The following KATNAL2 variants were observed in gnomAD, a reference collection of about 807,000 sequenced individuals.
The protein encoded by KATNAL2 is katanin p60 ATPase-containing subunit A-like 2.
A neutral mutation model predicts 76.3 loss-of-function variants in KATNAL2; 52 were observed. That is an observed-to-expected ratio of 0.68 (90% CI 0.55 to 0.86). KATNAL2 has a LOEUF of 0.86. Among genes scored for constraint, KATNAL2 ranks in the 40% least tolerant of loss-of-function variants. The pLI, the probability that KATNAL2 is intolerant of heterozygous loss-of-function variation, is 0.00. For synonymous variants in KATNAL2, 243 were observed against 244.2 expected (o/e 1.00, Z 0.05); for missense variants, 660 against 668.9 (o/e 0.99, Z 0.15).
At chr18:46,932,050 ACAGGTGCGTGCT>A (rs1349101198) in intron 1 of KATNAL2, among the ~76,000 whole-genome samples, 1 of 151,798 alleles carries the variant, frequency 6.6e-6, no homozygotes, top group Non-Finnish European at 1.5e-5. Flanking sequence ...AGCTGGGATT[ACAGGTGCGTGCT>A]ACCATGCCCG....
intron 1 of KATNAL2, among the ~76,000 whole-genome samples, chr18:46,935,558 G>A (rs574150157): frequency 2.0e-5 from 3 of 152,046 alleles, no homozygotes; most frequent in South Asian, 4.2e-4. Context: ...AGAGTAGCTC[G>A]TACTACAGGC....
At chr18:47,050,053 G>GT (rs1271730753) in intron 4 of KATNAL2, among the ~76,000 whole-genome samples, 2 of 151,980 alleles carry the variant, frequency 1.3e-5, no homozygotes, top group Non-Finnish European at 1.5e-5. Context: ...GTTTTGTTTT[G>GT]TTTTTTGGTA....
intron 3 of KATNAL2, among the ~76,000 whole-genome samples, chr18:46,948,892 G>T (rs2146682478): frequency 6.6e-6 from 1 of 150,992 alleles, no homozygotes; most frequent in Middle Eastern, 3.4e-3. Context: ...TCTGCATTGT[G>T]TGTGTGTGTG....
intron 1 of KATNAL2, among the ~76,000 whole-genome samples, chr18:46,932,167 T>C (rs1239643087): frequency 6.6e-6 from 1 of 152,118 alleles, no homozygotes; most frequent in African/African-American, 2.4e-5. Context: ...CGCCTTGGCC[T>C]CCCAAAGTGC....
intron 13 of KATNAL2, among the ~76,000 whole-genome samples, chr18:47,071,952 TC>T (rs1875136970): frequency 1.1e-5 from 1 of 88,432 alleles, no homozygotes; most frequent in Non-Finnish European, 2.4e-5. Context: ...CCCAATTTCT[TC>T]TTTTTTTTTT....
chr18:47,046,546 A>G lies in KATNAL2; in HGVS notation c.122+19A>G. On this transcript the variant is annotated intron_variant, in intron 4 of 17. Transcript: ENST00000683218. ...AAGAAGGGTATGTTACAGTACAAACATTTATAGAGATGATTCCTCTTTCTC... is the reference window on the plus strand; with the variant it reads ...AAGAAGGGTATGTTACAGTACAAACGTTTATAGAGATGATTCCTCTTTCTC... 2 of 1,446,940 alleles carry G rather than the reference A, an allele frequency of 1.4e-6. No homozygotes were observed. Among genetic ancestry groups the G allele is most frequent in the South Asian group, 1.2e-5 (1 of 82,128 alleles). The allele number at this position is 1,446,940 out of a possible 1,614,324, so 89.6% of individuals were successfully genotyped here.
chr18:47,093,526 G>C (rs1165204311), intron 15 of KATNAL2, among the ~76,000 whole-genome samples: 1 of 150,144 alleles, frequency 6.7e-6, no homozygotes, highest in Middle Eastern at 3.2e-3. Flanking sequence ...GTGCATGTTT[G>C]TGTGTCTTTT....
At position 47,100,961 on chromosome 18, in the gene KATNAL2, G is replaced by A. The variant is rs775781282; in HGVS notation, c.1573G>A (p.Ala525Thr). 1.9e-6 allele frequency: 3 copies of A among 1,614,032 alleles called. No individual in the cohort carries two copies. The highest frequency in any genetic ancestry group is 2.5e-6 in the Non-Finnish European group (3 of 1,179,998). ...THTKPSAKNL[A>T]QRYSDWQREF... ...CACCAAGCCCTCCGCAAAGAATCTG[G>A]CTCAGAGATACTCAGACTGGCAAAG... is the stretch of plus-strand genomic sequence containing the variant. Residue 525 changes from alanine to threonine, a missense_variant, in exon 18 of 18, where the codon GCT becomes ACT. Transcript: ENST00000683218.
At chr18:47,058,211 C>G in intron 6 of KATNAL2, 24 bp from the exon 7 acceptor site, 1 of 1,460,402 alleles carries the variant, frequency 6.8e-7, no homozygotes, top group Non-Finnish European at 9.6e-7. Context: ...TAATTTCTTC[C>G]AAGGTCTTTG....
chr18:47,079,539 C>G (rs1018100030), intron 15 of KATNAL2, among the ~76,000 whole-genome samples: 1 of 151,994 alleles, frequency 6.6e-6, no homozygotes, highest in South Asian at 2.1e-4. Context: ...GGACTACAGG[C>G]GCCTGCCACC....
At position 47,046,440 on chromosome 18, in the gene KATNAL2, A is replaced by C. The variant is rs2061159360; in HGVS notation, c.52-17A>C. 2 of 1,529,156 alleles carry C rather than the reference A, an allele frequency of 1.3e-6. No individual in the cohort carries two copies. The highest frequency in any genetic ancestry group is 8.8e-7 in the Non-Finnish European group (1 of 1,141,132). 94.7% of individuals were successfully genotyped at this position (1,529,156 alleles called of 1,614,324 possible). ...TATTTTTTGTTGTCATCCTACCTAA[A>C]TTTTCCTCTGTTCCAGTGCGAGATG... On this transcript the variant is annotated splice_polypyrimidine_tract_variant and intron_variant, in intron 3 of 17. Transcript: ENST00000683218.
chr18:47,032,146 T>A (rs2060495058), intron 3 of KATNAL2, among the ~76,000 whole-genome samples: 2 of 152,242 alleles, frequency 1.3e-5, no homozygotes, highest in Admixed American at 1.3e-4. Context: ...GTGAAAAGTT[T>A]GGGAATGATT....
intron 1 of KATNAL2, among the ~76,000 whole-genome samples, chr18:46,937,473 A>G (rs2059126884): frequency 6.6e-6 from 1 of 152,144 alleles, no homozygotes; most frequent in Admixed American, 6.5e-5. Context: ...ACAGAAAAGA[A>G]CACTAGGTAC....
intron 3 of KATNAL2, among the ~76,000 whole-genome samples, chr18:46,949,405 A>G (rs1227710315): frequency 1.3e-5 from 2 of 152,134 alleles, no homozygotes; most frequent in Admixed American, 6.5e-5. Flanking sequence ...GGCATGTACC[A>G]TCACACGTGG....
intron 5 of KATNAL2, among the ~76,000 whole-genome samples, 165 bp from the exon 6 acceptor site, chr18:47,054,231 T>TA (rs1479145764): frequency 6.6e-6 from 1 of 152,252 alleles, no homozygotes; most frequent in Non-Finnish European, 1.5e-5. Context: ...TCTTCGCTGG[T>TA]AATTTCAGTT....
chr18:47,037,809 A>G (rs1569062245), intron 3 of KATNAL2, among the ~76,000 whole-genome samples: 2 of 152,070 alleles, frequency 1.3e-5, no homozygotes, highest in Non-Finnish European at 2.9e-5. Context: ...CCTGGTCACC[A>G]CAAGTAAAAG....
At chr18:46,934,521 T>C (rs1220241818) in intron 1 of KATNAL2, among the ~76,000 whole-genome samples, 3 of 152,214 alleles carry the variant, frequency 2.0e-5, no homozygotes, top group Non-Finnish European at 2.9e-5. Flanking sequence ...TAAATTTGTT[T>C]GAGTTCATTG....
Position 47,100,903 on chromosome 18 carries a change from AACCACTGCCG to A in KATNAL2, c.1518_1527del (p.Thr507PhefsTer5). 6.2e-7 allele frequency: 1 copy of A among 1,614,186 alleles called. No homozygotes were observed. ...TACCCAGGATCCAGTTGGATATAGT[AACCACTGCCG>A]ACTTTCTGGATGTGCTAACTCACAC... On this transcript the variant is annotated frameshift_variant, in exon 18 of 18. Transcript: ENST00000683218. LOFTEE classifies it high-confidence loss of function.
Position 46,917,674 on chromosome 18 carries a change from C to T in KATNAL2, c.-762C>T, listed in dbSNP as rs1170643500. 2 of 542,584 alleles carry T rather than the reference C, an allele frequency of 3.7e-6. No homozygotes were observed. Among genetic ancestry groups the T allele is most frequent in the Non-Finnish European group, 4.7e-6 (2 of 423,662 alleles). The allele number at this position is 542,584 out of a possible 1,614,324, so 33.6% of individuals were successfully genotyped here. A position where few individuals can be genotyped will look rare whatever the true frequency, so the allele number is the denominator to read the frequency against. ...CCCGCGGCTTGGCCCCGCTCGGCCC[C>T]AGGTCGTGCCTTCCCTCCCCGGCGG... On this transcript the variant is annotated 5_prime_UTR_variant, in exon 1 of 18. Coordinates refer to ENST00000683218, the MANE Select transcript of KATNAL2 (RefSeq NM_001387690.1).
Sources: allele counts gnomAD v4.1 joint callset (sites outside exome capture counted in the v4.1 genomes callset), GRCh38; gene constraint gnomAD v4.1.1; transcripts MANE v1.5; gene names NCBI Gene and HGNC (gene_info 2026-07-23, HGNC 2026-07-21).